The following LRBA variants were observed in gnomAD, a reference collection of about 807,000 sequenced individuals.
LRBA encodes the protein LPS responsive beige-like anchor protein.
A neutral mutation model predicts 330.0 loss-of-function variants in LRBA; 176 were observed. The observed-to-expected ratio is 0.53, with a 90% CI of 0.47 to 0.60. The LOEUF (loss-of-function observed/expected upper bound fraction) is 0.60. Among genes scored for constraint, LRBA ranks in the 20% least tolerant of loss-of-function variants. LRBA has a pLI of 0.00. For missense variants in LRBA, 3,259 were observed against 3,444.8 expected, an observed-to-expected ratio of 0.95 and a Z score of 1.35; for synonymous variants, 1,230 against 1,193.0, an observed-to-expected ratio of 1.03 and a Z score of -0.64.
At chr4:150,933,528 A>C (rs1734736466) in intron 2 of LRBA, among the ~76,000 whole-genome samples, 1 of 152,190 alleles carries the variant, frequency 6.6e-6, no homozygotes, top group Admixed American at 6.5e-5. Flanking sequence ...CTACAATTTG[A>C]GTGTAAATCA....
chr4:150,648,558 C>A (rs75537628), intron 37 of LRBA, among the ~76,000 whole-genome samples: 1 of 151,820 alleles, frequency 6.6e-6, no homozygotes, highest in South Asian at 2.1e-4. Flanking sequence ...CATGCCCCCC[C>A]ACCCCACATT....
chr4:150,648,800 G>A (rs1272297960), intron 37 of LRBA, among the ~76,000 whole-genome samples: 2 of 152,088 alleles, frequency 1.3e-5, no homozygotes, highest in East Asian at 3.9e-4. Flanking sequence ...TATTTTTTCA[G>A]AGATGAGTTC....
intron 44 of LRBA, among the ~76,000 whole-genome samples, chr4:150,443,953 G>A (rs1161441078): frequency 1.4e-5 from 2 of 147,392 alleles, no homozygotes; most frequent in Non-Finnish European, 3.0e-5. Flanking sequence ...TGTGTGGACT[G>A]GTACGCTGCC....
intron 31 of LRBA, 124 bp downstream of exon 31, chr4:150,816,996 ACAAT>A: frequency 2.8e-6 from 2 of 715,842 alleles, no homozygotes; most frequent in Admixed American, 2.6e-5. Flanking sequence ...AAAGTAGTAA[ACAAT>A]CAACAGTATA....
intron 2 of LRBA, among the ~76,000 whole-genome samples, chr4:151,003,923 G>A (rs1013422172): frequency 1.1e-3 from 172 of 151,424 alleles, no homozygotes; most frequent in Non-Finnish European, 1.7e-3. Context: ...GTGTGTGTGT[G>A]TGTGTGTGTG....
intron 42 of LRBA, among the ~76,000 whole-genome samples, chr4:150,486,446 A>G (rs1757878369): frequency 6.6e-6 from 1 of 151,900 alleles, no homozygotes; most frequent in Admixed American, 6.6e-5. Flanking sequence ...GAAAAAATAC[A>G]TAAATAATTT....
At chr4:150,934,592 C>T (rs1734875643) in intron 2 of LRBA, among the ~76,000 whole-genome samples, 1 of 152,116 alleles carries the variant, frequency 6.6e-6, no homozygotes, top group Admixed American at 6.6e-5. Flanking sequence ...TAGAAAATGG[C>T]TGGGTGCGGT....
intron 30 of LRBA, among the ~76,000 whole-genome samples, chr4:150,825,838 T>C (rs1364779263): frequency 6.6e-6 from 1 of 152,170 alleles, no homozygotes; most frequent in Non-Finnish European, 1.5e-5. Context: ...GTTGAATTGC[T>C]TGATATGTAC....
chr4:151,014,365 TAAG>T (rs1745194044), intron 2 of LRBA, 59 bp downstream of exon 2: 1 of 1,391,682 alleles, frequency 7.2e-7, no homozygotes, highest in African/African-American at 1.4e-5. Flanking sequence ...GCTCCAGCTT[TAAG>T]ATCTTGTTCC....
chr4:150,865,458 G>A (rs1250732540), intron 22 of LRBA, among the ~76,000 whole-genome samples: 1 of 152,132 alleles, frequency 6.6e-6, no homozygotes, highest in Non-Finnish European at 1.5e-5. Context: ...CTGACACTTA[G>A]GCCATGGCTA....
intron 34 of LRBA, among the ~76,000 whole-genome samples, chr4:150,779,483 T>C (rs1352417236): frequency 1.3e-5 from 2 of 152,218 alleles, no homozygotes; most frequent in Admixed American, 6.5e-5. Context: ...TGTTTACTTT[T>C]TTTAATATAC....
At chr4:150,446,841 T>C (rs1752674173) in intron 44 of LRBA, among the ~76,000 whole-genome samples, 1 of 152,220 alleles carries the variant, frequency 6.6e-6, no homozygotes, top group Non-Finnish European at 1.5e-5. Context: ...GAGGGTATGT[T>C]GGGATAGTCA....
chr4:150,785,863 G>C (rs1738981337), intron 34 of LRBA, among the ~76,000 whole-genome samples: 1 of 152,144 alleles, frequency 6.6e-6, no homozygotes, highest in Non-Finnish European at 1.5e-5. Context: ...AATTAGAGTA[G>C]TAATACAAGT....
At chr4:150,690,666 G>A (rs1038265002) in intron 36 of LRBA, among the ~76,000 whole-genome samples, 4 of 118,322 alleles carry the variant, frequency 3.4e-5, no homozygotes, top group African/African-American at 3.3e-5. Flanking sequence ...GAAACACCTG[G>A]CTATCCACAT....
chr4:150,886,557 T>G (rs931816147), intron 17 of LRBA, among the ~76,000 whole-genome samples: 5 of 152,084 alleles, frequency 3.3e-5, no homozygotes, highest in Non-Finnish European at 7.4e-5. Context: ...CAAGGCAAAC[T>G]AGTCTGTCTC....
At chr4:150,266,429 G>C (rs1179743931) in intron 56 of LRBA, among the ~76,000 whole-genome samples, 1 of 152,212 alleles carries the variant, frequency 6.6e-6, no homozygotes, top group Non-Finnish European at 1.5e-5. Context: ...ACTTCTGCAA[G>C]CTTCTTGGTC....
intron 44 of LRBA, among the ~76,000 whole-genome samples, chr4:150,465,807 A>C (rs1365566394): frequency 1.3e-5 from 2 of 152,078 alleles, no homozygotes; most frequent in Non-Finnish European, 2.9e-5. Context: ...GAGTTCAGTA[A>C]GTAGATATAG....
At chr4:150,464,976 A>T (rs1257741594) in intron 44 of LRBA, among the ~76,000 whole-genome samples, 1 of 152,038 alleles carries the variant, frequency 6.6e-6, no homozygotes, top group Non-Finnish European at 1.5e-5. Context: ...AACAATCATC[A>T]CCACTATCCA....
chr4:150,354,440 CCAAT>C (rs1364853472), intron 47 of LRBA, among the ~76,000 whole-genome samples: 1 of 152,058 alleles, frequency 6.6e-6, no homozygotes, highest in African/African-American at 2.4e-5. Context: ...TCAAACCTAA[CCAAT>C]CAATTGTTAG....
Sources: allele counts gnomAD v4.1 joint callset (sites outside exome capture counted in the v4.1 genomes callset), GRCh38; gene constraint gnomAD v4.1.1; transcripts MANE v1.5; gene names NCBI Gene and HGNC (gene_info 2026-07-23, HGNC 2026-07-21).